The following TEN1 variants were observed in gnomAD, a reference collection of about 807,000 sequenced individuals.
TEN1 encodes the protein CST complex subunit TEN1.
A neutral mutation model predicts 9.3 loss-of-function variants in TEN1; 6 were observed. The observed-to-expected ratio is 0.65, with a 90% CI of 0.35 to 1.27. The LOEUF (loss-of-function observed/expected upper bound fraction) is 1.27, where lower values mean the gene tolerates loss of function less well. Among genes scored for constraint, TEN1 ranks in the 50% most tolerant of loss-of-function variants. TEN1 has a pLI of 0.03. For missense variants in TEN1, 149 were observed against 158.2 expected (o/e 0.94, Z 0.31); for synonymous variants, 65 against 65.6 (o/e 0.99, Z 0.04).
At chr17:75,987,687 C>T (rs1021195450) in intron 2 of TEN1, among the ~76,000 whole-genome samples, 2 of 151,298 alleles carry the variant, frequency 1.3e-5, no homozygotes, top group African/African-American at 4.9e-5. Context: ...GAGGCCGAGG[C>T]AGGCGGATCA....
intron 2 of TEN1, among the ~76,000 whole-genome samples, chr17:75,988,240 C>CAAAA (rs749108730): frequency 1.1e-5 from 1 of 89,430 alleles, no homozygotes; most frequent in Non-Finnish European, 2.3e-5. Flanking sequence ...AATTCGGCCT[C>CAAAA]AAAAAAAAAA....
At chr17:75,991,113 G>C (rs1489687555) in intron 2 of TEN1, among the ~76,000 whole-genome samples, 1 of 122,984 alleles carries the variant, frequency 8.1e-6, no homozygotes, top group Non-Finnish European at 1.6e-5. Flanking sequence ...TTGCTCCATT[G>C]CACTCCAGCC....
intron 1 of TEN1, among the ~76,000 whole-genome samples, chr17:75,982,791 G>A (rs2066129384): frequency 6.6e-6 from 1 of 151,460 alleles, no homozygotes; most frequent in Non-Finnish European, 1.5e-5. Flanking sequence ...GCTCACTGCA[G>A]CCTCCGCCTC....
At chr17:75,983,759 T>C (rs967342973) in intron 1 of TEN1, among the ~76,000 whole-genome samples, 2 of 151,922 alleles carry the variant, frequency 1.3e-5, no homozygotes, top group Non-Finnish European at 2.9e-5. Flanking sequence ...TGCTGATTGG[T>C]TGGGGGTGCA....
intron 1 of TEN1, among the ~76,000 whole-genome samples, chr17:75,981,485 C>CCATGTTTTTTTTTCTTTTTT (rs2066119309): frequency 6.6e-6 from 1 of 152,082 alleles, no homozygotes; most frequent in Admixed American, 6.6e-5. Flanking sequence ...CTGCGCCTGG[C>CCATGTTTTTTTTTCTTTTTT]TGGCTGACAT....
chr17:75,994,801 G>A (rs900070287), intron 3 of TEN1, among the ~76,000 whole-genome samples: 6 of 152,026 alleles, frequency 3.9e-5, no homozygotes, highest in East Asian at 1.9e-4. Flanking sequence ...AGTCATACAC[G>A]CTCGTCATTC....
intron 2 of TEN1, among the ~76,000 whole-genome samples, chr17:75,989,653 T>C (rs1169892663): frequency 7.2e-5 from 11 of 152,220 alleles, no homozygotes; most frequent in Non-Finnish European, 1.6e-4. Flanking sequence ...GACCTTGTGA[T>C]CTGTCTGCCT....
chr17:75,985,249 GAT>G (rs2066144739), intron 1 of TEN1, among the ~76,000 whole-genome samples: 1 of 152,144 alleles, frequency 6.6e-6, no homozygotes, highest in Non-Finnish European at 1.5e-5. Context: ...CTGTGGTGGT[GAT>G]CCTCCTGCCT....
intron 3 of TEN1, among the ~76,000 whole-genome samples, chr17:75,997,472 AC>A (rs750918457): frequency 3.9e-5 from 6 of 152,034 alleles, no homozygotes; most frequent in Admixed American, 6.6e-5. Context: ...AATCGAGGCC[AC>A]AGGCAGCCGT....
chr17:75,979,276 G>A lies in TEN1; in HGVS notation c.-242G>A, dbSNP rs2066093794. ...TGAGTGACAGCGGCCCAGACAGAGG[G>A]GGCGATGTCCGCGTCGTGGCTGGGG... On this transcript the variant is annotated 5_prime_UTR_variant, in exon 1 of 4. Coordinates refer to ENST00000397640, the MANE Select transcript of TEN1 (RefSeq NM_001113324.3). 5 of 703,744 alleles carry A rather than the reference G, an allele frequency of 7.1e-6. No individual in the cohort carries two copies. Among genetic ancestry groups the A allele is most frequent in the Non-Finnish European group, 1.2e-5 (5 of 416,328 alleles). 43.6% of individuals were successfully genotyped at this position (703,744 alleles called of 1,614,324 possible). A position where few individuals can be genotyped will look rare whatever the true frequency, so the allele number is the denominator to read the frequency against.
At chr17:75,987,729 C>A (rs1183776026) in intron 2 of TEN1, among the ~76,000 whole-genome samples, 3 of 151,530 alleles carry the variant, frequency 2.0e-5, no homozygotes, top group Non-Finnish European at 4.4e-5. Flanking sequence ...CTAGCCGGAC[C>A]AAAATGGCGA....
At chr17:75,991,421 A>G (rs2144355270) in intron 2 of TEN1, 45 bp from the exon 3 acceptor site, 1 of 1,545,494 alleles carries the variant, frequency 6.5e-7, no homozygotes, top group Non-Finnish European at 8.7e-7. Flanking sequence ...CGTGGTGGTG[A>G]TTCTACGTAT....
chr17:75,991,149 C>CAAAAAAAAAA (rs71361699), intron 2 of TEN1, among the ~76,000 whole-genome samples: 11 of 70,088 alleles, frequency 1.6e-4, no homozygotes, highest in African/African-American at 6.4e-4. Flanking sequence ...GACTCCATCT[C>CAAAAAAAAAA]AAAAAAAAAA....
At chr17:75,992,802 G>C (rs1404563938) in intron 3 of TEN1, among the ~76,000 whole-genome samples, 1 of 122,118 alleles carries the variant, frequency 8.2e-6, no homozygotes, top group Non-Finnish European at 1.7e-5. Flanking sequence ...GTGAGCCACC[G>C]TTTTTTTTTT....
At chr17:75,980,680 C>T (rs2066111662) in intron 1 of TEN1, among the ~76,000 whole-genome samples, 1 of 152,226 alleles carries the variant, frequency 6.6e-6, no homozygotes, top group Non-Finnish European at 1.5e-5. Context: ...GCCTCGGCCT[C>T]CCAAAGCGCC....
intron 3 of TEN1, among the ~76,000 whole-genome samples, chr17:75,997,778 C>T (rs1207366385): frequency 6.6e-6 from 1 of 152,174 alleles, no homozygotes; most frequent in Non-Finnish European, 1.5e-5. Context: ...ACCCCTTCCT[C>T]TTCCCAGGCC....
chr17:75,980,655 C>A (rs1466207774), intron 1 of TEN1, among the ~76,000 whole-genome samples: 2 of 152,198 alleles, frequency 1.3e-5, no homozygotes, highest in African/African-American at 4.8e-5. Flanking sequence ...GAATTCCTGA[C>A]CTGTTGATCC....
chr17:75,991,668 C>G (rs1013188449), intron 3 of TEN1, 45 bp downstream of exon 3: 1 of 1,538,558 alleles, frequency 6.5e-7, no homozygotes, highest in Non-Finnish European at 8.8e-7. Context: ...GGGGCCTGAG[C>G]TGGGGCAGTC....
intron 1 of TEN1, among the ~76,000 whole-genome samples, chr17:75,980,383 T>C (rs1332938737): frequency 1.3e-5 from 2 of 151,714 alleles, no homozygotes; most frequent in Admixed American, 6.6e-5. Context: ...CCCAGTGGGA[T>C]TGTAGACAAG....
Sources: gnomAD v4.1 joint callset for allele counts (sites outside exome capture counted in the v4.1 genomes callset) on GRCh38, gnomAD v4.1.1 for gene constraint, MANE v1.5 for transcripts, NCBI Gene and HGNC (gene_info 2026-07-23, HGNC 2026-07-21) for gene names.